HGS: variants seen among roughly 807,000 people sequenced by gnomAD.
The protein encoded by HGS is human growth factor-regulated tyrosine kinase substrate.
HGS carries 63 observed loss-of-function variants against 109.7 expected under a neutral mutation model. The observed-to-expected ratio is 0.57, with a 90% CI of 0.47 to 0.71. The LOEUF (loss-of-function observed/expected upper bound fraction) is 0.71, where lower values mean the gene tolerates loss of function less well. HGS is among the 30% of genes least tolerant of loss of function. The probability of loss-of-function intolerance (pLI) is 0.00; values close to 1 mark genes in which losing one functional copy is unlikely to be tolerated. For synonymous variants in HGS, 546 were observed against 437.3 expected (o/e 1.25, Z -3.10); for missense variants, 995 against 1,068.3 (o/e 0.93, Z 0.96).
intron 18 of HGS, 134 bp from the exon 19 acceptor site, chr17:81,700,333 C>T (rs992866707): frequency 1.7e-5 from 15 of 876,430 alleles, no homozygotes; most frequent in Admixed American, 9.4e-5. Flanking sequence ...TGTGCCACTG[C>T]ACTCCAGCCT....
intron 15 of HGS, 118 bp from the exon 16 acceptor site, chr17:81,696,239 C>T: frequency 7.5e-7 from 1 of 1,327,148 alleles, no homozygotes; most frequent in Non-Finnish European, 1.0e-6. Context: ...AGCCCAGCAC[C>T]TTCAGAGCCC....
rs768858645 is a variant in HGS, at chr17:81,701,577, C to T, written c.2293C>T (p.Pro765Ser). The T allele has an allele frequency of 1.4e-5, 22 of 1,571,352 alleles. No homozygotes were observed. The highest frequency in any genetic ancestry group is 1.9e-5 in the Non-Finnish European group (22 of 1,165,762). The change falls in exon 22 of 22, where the codon CCG becomes TCG. Residue 765 changes from proline to serine, a missense_variant. Physicochemically the swap from Pro to Ser is moderately conservative, Grantham distance 74. Around this residue, in one of 6 missense-constraint regions of HGS, gnomAD observed 326 missense variants for 309.7 expected, o/e 1.05. Transcript: ENST00000329138. ...CCAGCAACCGCAGGCACAGGGGCCG[C>T]CGGCACAGGGCAGCGAGGCCCAGCT... Reference protein sequence around the residue: ...VAQQPQAQGPPAQGSEAQLIS... With the variant: ...VAQQPQAQGPSAQGSEAQLIS...
chr17:81,686,679 G>A (rs2036984806), intron 3 of HGS, among the ~76,000 whole-genome samples: 1 of 152,276 alleles, frequency 6.6e-6, no homozygotes, highest in Non-Finnish European at 1.5e-5. Context: ...GAGACTTGGC[G>A]TCACGGAGCG....
In HGS at chr17:81,695,034, G is replaced by A. The variant is rs760833734; in HGVS notation, c.1086G>A (p.Gly362=). 1 of 1,613,934 alleles carries A rather than the reference G, an allele frequency of 6.2e-7. No individual in the cohort carries two copies. Among genetic ancestry groups the A allele is most frequent in the Non-Finnish European group, 8.5e-7 (1 of 1,179,930 alleles). Residue 362 remains glycine (G), a synonymous_variant, in exon 13 of 22, where the codon GGG becomes GGA. Transcript: ENST00000329138. ...TGACGGAGCCGGCTGCACAGCCTGG[G>A]GAAGGGCACGCAGCCCCCACCAACG... ...VPLTEPAAQP[G]EGHAAPTNVV... is the part of the protein sequence containing the mutation.
intron 18 of HGS, among the ~76,000 whole-genome samples, chr17:81,700,027 A>G (rs1437031032): frequency 6.8e-6 from 1 of 147,420 alleles, no homozygotes; most frequent in Non-Finnish European, 1.5e-5. Context: ...GTGAGCTGAG[A>G]TCGCGCCACT....
At position 81,689,833 on chromosome 17, in the gene HGS, A is replaced by G. The variant is rs556660288; in HGVS notation, c.416-349A>G. 2.0e-5 allele frequency among the ~76,000 whole-genome samples: 3 copies of G among 152,300 alleles called. No individual in the cohort carries two copies. In the East Asian group the frequency reaches 5.8e-4, roughly 29 times the overall value. ...TTTTCTGGGGTCGTGTGTCAAGAATAGCTCAAGGTCTTGTCCTCAGGATCA... is the reference window on the plus strand; with the variant it reads ...TTTTCTGGGGTCGTGTGTCAAGAATGGCTCAAGGTCTTGTCCTCAGGATCA... On this transcript the variant is annotated intron_variant, in intron 5 of 21. Transcript: ENST00000329138.
At position 81,701,871 on chromosome 17, in the gene HGS, G is replaced by C; in HGVS notation, c.*253G>C. The C allele has an allele frequency of 2.2e-6, 1 of 457,884 alleles. No individual in the cohort carries two copies. The allele number at this position is 457,884 out of a possible 1,614,324, so 28.4% of individuals were successfully genotyped here. A position where few individuals can be genotyped will look rare whatever the true frequency, so the allele number is the denominator to read the frequency against. On this transcript the variant is annotated 3_prime_UTR_variant, in exon 22 of 22. Coordinates refer to ENST00000329138, the MANE Select transcript of HGS (RefSeq NM_004712.5). Reference sequence around the variant, plus strand: ...GACTTTCTCCCAGGGGAAGCCCCCAGCCCTGTGGGTCATGGTCTGTGAGAG... The same window carrying C: ...GACTTTCTCCCAGGGGAAGCCCCCACCCCTGTGGGTCATGGTCTGTGAGAG...
At chr17:81,699,082 A>G (rs1329073289) in intron 18 of HGS, among the ~76,000 whole-genome samples, 1 of 152,048 alleles carries the variant, frequency 6.6e-6, no homozygotes, top group Non-Finnish European at 1.5e-5. Context: ...AAAAAAAAAA[A>G]TCCATGAGTT....
At chr17:81,700,942 T>C in intron 20 of HGS, 103 bp from the exon 21 acceptor site, 1 of 1,525,658 alleles carries the variant, frequency 6.6e-7, no homozygotes, top group South Asian at 1.1e-5. Context: ...CTCCACTCTC[T>C]GGGTGCTCCC....
In HGS at chr17:81,690,935, C is replaced by T. The variant is rs566203919; in HGVS notation, c.537+193C>T. The T allele has an allele frequency of 5.4e-6, 3 of 552,776 alleles. No individual in the cohort carries two copies. In the East Asian group the frequency reaches 9.3e-5, roughly 17 times the overall value. The allele number at this position is 552,776 out of a possible 1,614,324, so 34.2% of individuals were successfully genotyped here. A position where few individuals can be genotyped will look rare whatever the true frequency, so the allele number is the denominator to read the frequency against. On this transcript the variant is annotated intron_variant, in intron 7 of 21. Coordinates refer to ENST00000329138, the MANE Select transcript of HGS (RefSeq NM_004712.5). ...CCACGTAAGGGCCTGATGCCACTGC[C>T]TGGGCCGGGCCCAGCCTCACTCTGG... is the stretch of plus-strand genomic sequence containing the variant.
intron 18 of HGS, among the ~76,000 whole-genome samples, chr17:81,699,448 C>T (rs375242959): frequency 2.0e-5 from 3 of 152,188 alleles, no homozygotes; most frequent in African/African-American, 4.8e-5. Flanking sequence ...TTTTTTGAGA[C>T]GAAGTCTCGC....
rs1455784854 is a variant in HGS, at chr17:81,695,926, C to T, written c.1320C>T (p.Leu440=). 2.5e-6 allele frequency: 4 copies of T among 1,601,542 alleles called. No homozygotes were observed. The highest frequency in any genetic ancestry group is 1.7e-4 in the Middle Eastern group (1 of 6,038). ...GRSITNDSAV[L]SLFQSINGMH... ...GCATCACCAATGACTCGGCCGTGCT[C>T]TCACTCTTCCAGTCCATCAACGGCA... The change falls in exon 15 of 22, where the codon CTC becomes CTT. Residue 440 remains leucine, a synonymous_variant. Transcript: ENST00000329138.
chr17:81,696,908 T>C lies in HGS; in HGVS notation c.1792T>C (p.Ser598Pro), dbSNP rs1380179108. 1 of 1,608,834 alleles carries C rather than the reference T, an allele frequency of 6.2e-7. No homozygotes were observed. The highest frequency in any genetic ancestry group is 8.5e-7 in the Non-Finnish European group (1 of 1,179,808). ...SFPSTFSPAG[S>P]VEGSPMHGVY... ...CCCCAGCACCTTCAGCCCTGCCGGC[T>C]CGGTGGAGGGCTCCCCAATGCACGG... Residue 598 changes from serine (S) to proline (P), a missense_variant, in exon 18 of 22, where the codon TCG becomes CCG. Around this residue, in one of 6 missense-constraint regions of HGS, gnomAD observed 326 missense variants for 309.7 expected, o/e 1.05. Transcript: ENST00000329138.
chr17:81,701,365 C>A (rs1245588831), intron 21 of HGS, 143 bp from the exon 22 acceptor site: 3 of 966,876 alleles, frequency 3.1e-6, no homozygotes, highest in African/African-American at 1.6e-5. Context: ...AAGGCAAAGG[C>A]CGCATGAGCT....
rs2037225202 is a variant in HGS, at chr17:81,700,781, A to G, written c.2103A>G (p.Ser701=). 1.9e-6 allele frequency: 3 copies of G among 1,612,530 alleles called. No individual in the cohort carries two copies. The highest frequency in any genetic ancestry group is 1.7e-5 in the Admixed American group (1 of 59,980). Reference sequence around the variant, plus strand: ...CCATGGGCTACATGGGGAGCCAGTCAGTCTCCATGGGCTACCAGCCTTACA... The same window carrying G: ...CCATGGGCTACATGGGGAGCCAGTCGGTCTCCATGGGCTACCAGCCTTACA... The part of the protein sequence containing the change: ...SSTMGYMGSQ[S]VSMGYQPYNM... The change falls in exon 20 of 22, where the codon TCA becomes TCG. Residue 701 remains serine, a synonymous_variant. Transcript: ENST00000329138.
intron 18 of HGS, among the ~76,000 whole-genome samples, chr17:81,700,239 T>C (rs533236547): frequency 3.9e-4 from 54 of 137,786 alleles, no homozygotes; most frequent in African/African-American, 1.4e-3. Context: ...CGTAGTGGCG[T>C]ACGCCCGTAA....
At chr17:81,696,159 G>T (rs2037142841) in intron 15 of HGS, 160 bp downstream of exon 15, 1 of 845,324 alleles carries the variant, frequency 1.2e-6, no homozygotes, top group South Asian at 1.8e-5. Context: ...TCTCAGTGAT[G>T]ACCATGCCCT....
chr17:81,696,809 C>T lies in HGS; in HGVS notation c.1708-15C>T, dbSNP rs369500319. On this transcript the variant is annotated splice_polypyrimidine_tract_variant and intron_variant, in intron 17 of 21. Transcript: ENST00000329138. The stretch of plus-strand genomic sequence containing the variant: ...GCTGAGGACCAACTCTCACCGCTGT[C>T]TCTTTTGTCCCCAGCTCCAGGCCAT... 8.8e-5 allele frequency: 141 copies of T among 1,603,652 alleles called. No homozygotes were observed. Among genetic ancestry groups the T allele is most frequent in the Non-Finnish European group, 1.1e-4 (128 of 1,173,366 alleles).
chr17:81,684,748 A>G (rs1353900161), intron 1 of HGS, among the ~76,000 whole-genome samples: 3 of 152,100 alleles, frequency 2.0e-5, no homozygotes, highest in Admixed American at 1.3e-4. Flanking sequence ...AAATGCGTCT[A>G]ATGTTTGGGG....
Sources: gnomAD v4.1 joint callset for allele counts (sites outside exome capture counted in the v4.1 genomes callset) on GRCh38, gnomAD v4.1.1 for gene constraint, gnomAD v4.1.1 regional missense constraint, MANE v1.5 for transcripts, NCBI Gene and HGNC (gene_info 2026-07-23, HGNC 2026-07-21) for gene names.